The following UBL3 variants were observed in gnomAD, a reference collection of about 807,000 sequenced individuals.
UBL3 encodes the protein ubiquitin-like protein 3.
A neutral mutation model predicts 18.4 loss-of-function variants in UBL3; 6 were observed. The ratio of observed to expected loss-of-function variants is 0.33; its 90% CI spans 0.18 to 0.64. The LOEUF (loss-of-function observed/expected upper bound fraction) is 0.64. Ranked by LOEUF, UBL3 falls within the 30% of genes least tolerant of loss-of-function variation. The pLI is 0.76. For synonymous variants in UBL3, 49 were observed against 46.6 expected, an observed-to-expected ratio of 1.05 and a Z score of -0.21; for missense variants, 109 against 142.9, an observed-to-expected ratio of 0.76 and a Z score of 1.21.
At chr13:29,780,532 CA>C (rs1877127596) in intron 1 of UBL3, among the ~76,000 whole-genome samples, 1 of 150,368 alleles carries the variant, frequency 6.7e-6, no homozygotes, top group African/African-American at 2.4e-5. Context: ...AAAAAATCAA[CA>C]AAAACTAAAA....
chr13:29,794,010 A>G (rs1267381568), intron 1 of UBL3, among the ~76,000 whole-genome samples: 1 of 151,988 alleles, frequency 6.6e-6, no homozygotes, highest in Non-Finnish European at 1.5e-5. Flanking sequence ...ACGCCCAGTT[A>G]ATTTTTTAGG....
intron 1 of UBL3, among the ~76,000 whole-genome samples, chr13:29,835,136 ATATATATATATATATATATATATATATAT>A (rs1878914455): frequency 2.3e-4 from 2 of 8,734 alleles, no homozygotes; most frequent in South Asian, 4.4e-3. Flanking sequence ...ATATATATAT[ATATATATATATATATATATATATATATAT>A]ATATATATAT....
At chr13:29,839,944 AAAG>A (rs1425570106) in intron 1 of UBL3, among the ~76,000 whole-genome samples, 28 of 145,748 alleles carry the variant, frequency 1.9e-4, no homozygotes, top group Non-Finnish European at 3.5e-4. Flanking sequence ...AAAAAAAAAA[AAAG>A]AAGATTTTAA....
chr13:29,830,160 A>T (rs1878737535), intron 1 of UBL3, among the ~76,000 whole-genome samples: 1 of 152,234 alleles, frequency 6.6e-6, no homozygotes, highest in South Asian at 2.1e-4. Flanking sequence ...CCTTTTGTCC[A>T]TCCTGGGATA....
At chr13:29,819,698 T>G (rs1470629708) in intron 1 of UBL3, among the ~76,000 whole-genome samples, 1 of 152,184 alleles carries the variant, frequency 6.6e-6, no homozygotes, top group Non-Finnish European at 1.5e-5. Flanking sequence ...GACATCACTT[T>G]TTTTAAAAAA....
chr13:29,832,752 C>T (rs746891761), intron 1 of UBL3, among the ~76,000 whole-genome samples: 10 of 152,178 alleles, frequency 6.6e-5, no homozygotes, highest in Non-Finnish European at 1.0e-4. Context: ...GCCACTCTGG[C>T]TACTTTTCCT....
At chr13:29,800,905 A>AG (rs1346518479) in intron 1 of UBL3, among the ~76,000 whole-genome samples, 4 of 151,198 alleles carry the variant, frequency 2.6e-5, no homozygotes, top group Non-Finnish European at 5.9e-5. Flanking sequence ...GGGGACTGAC[A>AG]GGGACCCCCC....
rs7328311 is a variant in UBL3, at chr13:29,840,860, A to G, written c.27+8652T>C. 3.8e-3 allele frequency among the ~76,000 whole-genome samples: 586 copies of G among 152,310 alleles called. 7 individuals are homozygous for G. Among genetic ancestry groups the G allele is most frequent in the African/African-American group, 0.013 (538 of 41,568 alleles). ...TTCGCTAAATAATTTATATACATCTATCATAATCGGTTCAAAATTATAATA... is the reference window on the plus strand; with the variant it reads ...TTCGCTAAATAATTTATATACATCTGTCATAATCGGTTCAAAATTATAATA... On this transcript the variant is annotated intron_variant, in intron 1 of 4. Coordinates refer to ENST00000380680, the MANE Select transcript of UBL3 (RefSeq NM_007106.4).
At chr13:29,824,576 G>GT (rs755690216) in intron 1 of UBL3, among the ~76,000 whole-genome samples, 4 of 151,770 alleles carry the variant, frequency 2.6e-5, no homozygotes, top group Non-Finnish European at 5.9e-5. Flanking sequence ...TTGTAAATTT[G>GT]TTTGAGTTCT....
At chr13:29,819,512 C>A (rs1434277997) in intron 1 of UBL3, among the ~76,000 whole-genome samples, 1 of 152,120 alleles carries the variant, frequency 6.6e-6, no homozygotes, top group Non-Finnish European at 1.5e-5. Context: ...AAAAAATTAA[C>A]CTACCAATCA....
chr13:29,787,487 T>C (rs1877353691), intron 1 of UBL3, among the ~76,000 whole-genome samples: 1 of 152,212 alleles, frequency 6.6e-6, no homozygotes, highest in Non-Finnish European at 1.5e-5. Context: ...TTGCAAATTA[T>C]TGTTAAAATT....
intron 1 of UBL3, among the ~76,000 whole-genome samples, chr13:29,820,882 A>G (rs1019856140): frequency 6.6e-6 from 1 of 152,232 alleles, no homozygotes; most frequent in Admixed American, 6.5e-5. Flanking sequence ...ATAGTATTTA[A>G]TAGCAGAGTA....
chr13:29,836,394 G>T (rs1878964412), intron 1 of UBL3, among the ~76,000 whole-genome samples: 1 of 151,426 alleles, frequency 6.6e-6, no homozygotes, highest in Non-Finnish European at 1.5e-5. Flanking sequence ...TAAAACCAGG[G>T]TACGAAAAGA....
At chr13:29,814,932 A>C (rs1878230743) in intron 1 of UBL3, among the ~76,000 whole-genome samples, 3 of 152,198 alleles carry the variant, frequency 2.0e-5, no homozygotes, top group Non-Finnish European at 4.4e-5. Flanking sequence ...TATTTCTAGA[A>C]AACTGACCCT....
chr13:29,800,701 A>T (rs1593661045), intron 1 of UBL3, among the ~76,000 whole-genome samples: 1 of 152,210 alleles, frequency 6.6e-6, no homozygotes. Context: ...AGTCAAGTCA[A>T]CCTTTCGGCA....
At chr13:29,810,703 C>T (rs1166871383) in intron 1 of UBL3, among the ~76,000 whole-genome samples, 3 of 151,922 alleles carry the variant, frequency 2.0e-5, no homozygotes, top group South Asian at 2.1e-4. Flanking sequence ...GAGTTTTCTA[C>T]GTGTGAATTA....
chr13:29,843,149 T>G (rs1187493717), intron 1 of UBL3, among the ~76,000 whole-genome samples: 1 of 152,194 alleles, frequency 6.6e-6, no homozygotes, highest in Non-Finnish European at 1.5e-5. Context: ...TCTAGTGCAG[T>G]GGCTCCTACA....
intron 1 of UBL3, among the ~76,000 whole-genome samples, chr13:29,784,892 G>A (rs1238996859): frequency 6.6e-6 from 1 of 151,944 alleles, no homozygotes; most frequent in Non-Finnish European, 1.5e-5. Context: ...TATTAATAAA[G>A]TCTGTGAATT....
At position 29,765,215 on chromosome 13, in the gene UBL3, G is replaced by A. The variant is rs1001582613; in HGVS notation, c.*2040C>T. ...CTTTAACTTAAAAAAAGAGTAATCA[G>A]AATGAAAATAGGTATTAAAAATAAT... On this transcript the variant is annotated 3_prime_UTR_variant, in exon 5 of 5. Transcript: ENST00000380680. The A allele has an allele frequency of 1.1e-4, 16 of 151,912 alleles. No individual in the cohort carries two copies. Among genetic ancestry groups the A allele is most frequent in the African/African-American group, 3.4e-4 (14 of 41,388 alleles). 9.4% of individuals were successfully genotyped at this position (151,912 alleles called of 1,614,324 possible).
Sources: allele counts gnomAD v4.1 joint callset (sites outside exome capture counted in the v4.1 genomes callset), GRCh38; gene constraint gnomAD v4.1.1; transcripts MANE v1.5; gene names NCBI Gene and HGNC (gene_info 2026-07-23, HGNC 2026-07-21).